The following FREM2 variants were observed in gnomAD, a reference collection of about 807,000 sequenced individuals.
FREM2 encodes FRAS1 related extracellular matrix 2, also known as FRAS1-related extracellular matrix protein 2.
Under a neutral mutation model 219.9 loss-of-function variants are expected in FREM2, and 119 were observed. The observed-to-expected ratio is 0.54, with a 90% confidence interval of 0.47 to 0.63. The LOEUF (loss-of-function observed/expected upper bound fraction) is 0.63, where lower values mean the gene tolerates loss of function less well. Among genes scored for constraint, FREM2 ranks in the 30% least tolerant of loss-of-function variants. The pLI, the probability that FREM2 is intolerant of heterozygous loss-of-function variation, is 0.00. For synonymous variants in FREM2, 1,562 were observed against 1,522.8 expected (o/e 1.03, Z -0.60); for missense variants, 4,030 against 3,993.6 (o/e 1.01, Z -0.25).
intron 4 of FREM2, among the ~76,000 whole-genome samples, chr13:38,770,468 T>C (rs1477806203): frequency 3.3e-5 from 5 of 152,166 alleles, no homozygotes; most frequent in Non-Finnish European, 7.4e-5. Context: ...TTTAATGAAT[T>C]AATTCATCAC....
chr13:38,794,951 T>C (rs1267722292), intron 6 of FREM2, among the ~76,000 whole-genome samples: 1 of 152,178 alleles, frequency 6.6e-6, no homozygotes, highest in African/African-American at 2.4e-5. Flanking sequence ...ATCTTCTCCA[T>C]TTGATAGATG....
chr13:38,880,488 C>T lies in FREM2; in HGVS notation c.9211C>T (p.Arg3071Ter), dbSNP rs770821934. The change falls in exon 24 of 24, where the codon CGA (arginine) becomes TGA (stop). Residue 3071 changes from arginine to a stop codon, truncating the protein, a stop_gained. Transcript: ENST00000280481. LOFTEE classifies it low-confidence loss of function (END_TRUNC). ...LAWEIGAENS[R>*]GTNIQHIALD... ...ATGGGAGATTGGTGCTGAAAACAGT[C>T]GAGGAACAAACATCCAGCACATTGC... is the stretch of plus-strand genomic sequence containing the variant. 3 of 1,614,008 alleles carry T rather than the reference C, an allele frequency of 1.9e-6. No individual in the cohort carries two copies. The highest frequency in any genetic ancestry group is 1.3e-5 in the African/African-American group (1 of 74,996).
chr13:38,693,532 G>A (rs754610982), intron 1 of FREM2, among the ~76,000 whole-genome samples: 4 of 152,172 alleles, frequency 2.6e-5, no homozygotes, highest in African/African-American at 9.7e-5. Flanking sequence ...GGGAGTCAGG[G>A]CTCCGTTCTG....
chr13:38,749,499 T>C (rs1329274351), intron 2 of FREM2, among the ~76,000 whole-genome samples: 2 of 152,196 alleles, frequency 1.3e-5, no homozygotes, highest in East Asian at 3.8e-4. Context: ...TGTTGATATA[T>C]CACAATATAA....
In FREM2 at chr13:38,692,284, A is replaced by C; in HGVS notation, c.4940A>C (p.Gln1647Pro). ...ETRRPQVMKI[Q>P]VLAVDNSVPQ... ...AGGAGACCCCAAGTGATGAAGATCC[A>C]GGTCTTGGCTGTTGACAACAGTGTC... is the stretch of plus-strand genomic sequence containing the variant. Residue 1647 changes from glutamine to proline, a missense_variant, in exon 1 of 24, where the codon CAG becomes CCG. By Grantham distance (76) the Gln-to-Pro change is moderately conservative. Transcript: ENST00000280481. 6.2e-7 allele frequency: 1 copy of C among 1,613,372 alleles called. No individual in the cohort carries two copies. Among genetic ancestry groups the C allele is most frequent in the Non-Finnish European group, 8.5e-7 (1 of 1,179,560 alleles).
chr13:38,692,365 A>AC lies in FREM2; in HGVS notation c.5022dup (p.Phe1677ValfsTer21). 2.5e-6 allele frequency: 4 copies of AC among 1,606,912 alleles called. No individual in the cohort carries two copies. The highest frequency in any genetic ancestry group is 3.4e-6 in the Non-Finnish European group (4 of 1,175,764). The stretch of plus-strand genomic sequence containing the variant: ...ACACTTCGCACTCTAGCCACTGGCC[A>AC]CTTGGGGTTCATGATCACAAGCAAA... On this transcript the variant is annotated frameshift_variant, in exon 1 of 24. Transcript: ENST00000280481. LOFTEE classifies it high-confidence loss of function.
chr13:38,782,922 TCCTTCC>T, intron 4 of FREM2, 142 bp from the exon 5 acceptor site: 1 of 978,038 alleles, frequency 1.0e-6, no homozygotes, highest in South Asian at 1.4e-5. Flanking sequence ...TTTTCCCCTC[TCCTTCC>T]TCCTTTTCCT....
chr13:38,780,573 C>A (rs1010995832), intron 4 of FREM2, among the ~76,000 whole-genome samples: 1 of 152,204 alleles, frequency 6.6e-6, no homozygotes, highest in Non-Finnish European at 1.5e-5. Context: ...AACCTTCCCC[C>A]CATCTCCAAA....
At chr13:38,717,228 T>C (rs1871042317) in intron 2 of FREM2, among the ~76,000 whole-genome samples, 1 of 152,102 alleles carries the variant, frequency 6.6e-6, no homozygotes, top group African/African-American at 2.4e-5. Flanking sequence ...TTCCATGTCC[T>C]GCCCCACTGG....
chr13:38,798,642 CCA>C (rs949704542), intron 6 of FREM2, among the ~76,000 whole-genome samples: 12 of 151,960 alleles, frequency 7.9e-5, no homozygotes, highest in African/African-American at 2.9e-4. Flanking sequence ...TTCAATCTTG[CCA>C]CACATTATTG....
chr13:38,777,454 C>T (rs1297453303), intron 4 of FREM2, among the ~76,000 whole-genome samples: 1 of 152,150 alleles, frequency 6.6e-6, no homozygotes, highest in African/African-American at 2.4e-5. Flanking sequence ...GTTGAAACCC[C>T]AGCATCACCA....
chr13:38,724,469 C>T (rs1413436025), intron 2 of FREM2, among the ~76,000 whole-genome samples: 2 of 152,084 alleles, frequency 1.3e-5, no homozygotes, highest in Non-Finnish European at 2.9e-5. Context: ...ATGTTTATCA[C>T]TATCATTTGT....
rs570395955 is a variant in FREM2 at position 38,688,105 on chromosome 13, T to C, written c.761T>C (p.Met254Thr). 5 of 1,613,038 alleles carry C rather than the reference T, an allele frequency of 3.1e-6. No individual in the cohort carries two copies. Among genetic ancestry groups the C allele is most frequent in the African/African-American group, 1.3e-5 (1 of 75,040 alleles). Residue 254 changes from methionine (M) to threonine (T), a missense_variant, in exon 1 of 24, where the codon ATG becomes ACG. Coordinates refer to ENST00000280481, the MANE Select transcript of FREM2 (RefSeq NM_207361.6). Reference protein sequence around the residue: ...REGGAPETLLMDCKAFQELGV... With the variant: ...REGGAPETLLTDCKAFQELGV... ...GGAGGCGCCCCGGAGACTCTCCTGA[T>C]GGACTGCAAAGCTTTCCAGGAACTA...
At chr13:38,764,531 GT>G in intron 3 of FREM2, 81 bp downstream of exon 3, 1 of 850,262 alleles carries the variant, frequency 1.2e-6, no homozygotes, top group Non-Finnish European at 1.8e-6. Flanking sequence ...TAAAGTATCA[GT>G]TTAGTTCACT....
chr13:38,856,118 A>G lies in FREM2; in HGVS notation c.6926-8A>G. ...AAATGATTTAAATCTGTGATGTTAC[A>G]TTTGTAGAAATTGAGTTTAAGGAAG... On this transcript the variant is annotated splice_polypyrimidine_tract_variant and splice_region_variant and intron_variant, in intron 11 of 23. Coordinates refer to ENST00000280481, the MANE Select transcript of FREM2 (RefSeq NM_207361.6). 4 of 1,597,354 alleles carry G rather than the reference A, an allele frequency of 2.5e-6. No individual in the cohort carries two copies. The highest frequency in any genetic ancestry group is 1.1e-5 in the South Asian group (1 of 90,778).
chr13:38,777,504 G>A (rs1206900778), intron 4 of FREM2, among the ~76,000 whole-genome samples: 1 of 152,188 alleles, frequency 6.6e-6, no homozygotes, highest in East Asian at 1.9e-4. Flanking sequence ...TAACATACGT[G>A]TGCCTCAGAG....
Position 38,782,173 on chromosome 13 carries a change from G to C in FREM2, c.5642-897G>C, listed in dbSNP as rs552500375. 2.8e-3 allele frequency among the ~76,000 whole-genome samples: 421 copies of C among 152,286 alleles called. 2 individuals are homozygous for C. Among genetic ancestry groups the C allele is most frequent in the African/African-American group, 9.2e-3 (381 of 41,566 alleles). On this transcript the variant is annotated intron_variant, in intron 4 of 23. Transcript: ENST00000280481. ...GTCTTTTATAATTTTTAAGTCATAA[G>C]GTTAACTGTTTTAAAAATAATCATG...
chr13:38,785,673 A>G (rs1490188266), intron 6 of FREM2, among the ~76,000 whole-genome samples: 3 of 152,234 alleles, frequency 2.0e-5, no homozygotes, highest in Admixed American at 1.3e-4. Context: ...ATGGCAAAGC[A>G]TGTGAGAGGT....
rs771093246 is a variant in FREM2 at position 38,877,215 on chromosome 13, G to C, written c.8643G>C (p.Gly2881=). ...TGTCTGATGGATCCATGGGATTCGG[G>C]CAAGAGAGTGATGTTGCTTTTGCAG... ...LWLSDGSMGF[G]QESDVAFAEG... is the part of the protein sequence containing the mutation. The change falls in exon 21 of 24, where the codon GGG becomes GGC. Residue 2881 remains glycine (G), a synonymous_variant. Coordinates refer to ENST00000280481, the MANE Select transcript of FREM2 (RefSeq NM_207361.6). The C allele has an allele frequency of 6.2e-7, 1 of 1,613,980 alleles. No individual in the cohort carries two copies. The highest frequency in any genetic ancestry group is 8.5e-7 in the Non-Finnish European group (1 of 1,179,878).
Sources: allele counts gnomAD v4.1 joint callset (sites outside exome capture counted in the v4.1 genomes callset), GRCh38; gene constraint gnomAD v4.1.1; transcripts MANE v1.5; gene names NCBI Gene and HGNC (gene_info 2026-07-23, HGNC 2026-07-21).